OVCH1: variants seen among roughly 807,000 people sequenced by gnomAD.
OVCH1 encodes the protein ovochymase-1.
Under a neutral mutation model 138.4 loss-of-function variants are expected in OVCH1, and 139 were observed. The observed-to-expected ratio is 1.00, with a 90% CI of 0.87 to 1.16. OVCH1 has a LOEUF of 1.16. OVCH1 is among the 50% of genes most tolerant of loss of function. The pLI, the probability that OVCH1 is intolerant of heterozygous loss-of-function variation, is 0.00. For synonymous variants in OVCH1, 453 were observed against 467.8 expected (o/e 0.97, Z 0.41); for missense variants, 1,367 against 1,357.9 (o/e 1.01, Z -0.11).
At chr12:29,468,806 C>A (rs1942404268) in intron 16 of OVCH1, among the ~76,000 whole-genome samples, 1 of 152,068 alleles carries the variant, frequency 6.6e-6, no homozygotes, top group Admixed American at 6.6e-5. Context: ...GGTGAGTATA[C>A]ATACCTATAT....
intron 7 of OVCH1, chr12:29,487,048 G>A: frequency 2.6e-6 from 1 of 391,076 alleles, no homozygotes; most frequent in Non-Finnish European, 5.2e-6. Flanking sequence ...AGCCCTGTCA[G>A]GTGGCTGCCC....
intron 26 of OVCH1, among the ~76,000 whole-genome samples, chr12:29,435,579 C>T (rs1321536865): frequency 6.6e-6 from 1 of 152,070 alleles, no homozygotes; most frequent in African/African-American, 2.4e-5. Flanking sequence ...TGGTCTTGAT[C>T]TCCTGACCCC....
At chr12:29,425,034 TA>T (rs970760253), downstream of OVCH1, among the ~76,000 whole-genome samples, 2 of 152,136 alleles carry the variant, frequency 1.3e-5, no homozygotes, top group African/African-American at 2.4e-5. Flanking sequence ...AGATGGTGGC[TA>T]GGGGGAATGG....
intron 8 of OVCH1, among the ~76,000 whole-genome samples, chr12:29,485,857 C>T (rs1592109169): frequency 1.3e-5 from 2 of 150,792 alleles, no homozygotes. Flanking sequence ...GCAGGAGAAT[C>T]GCTTGAACCC....
Position 29,486,249 on chromosome 12 carries a change from C to A in OVCH1, c.992G>T (p.Gly331Val), listed in dbSNP as rs1194225268. ...CCTTCTCTAATTAGAACCACACATA[C>A]CCTTTCCTCTCTGGCTTCCATTCAC... Residue 331 changes from glycine to valine, a missense_variant, in exon 8 of 28, where the codon GGT becomes GTT. Coordinates refer to ENST00000318184, the Ensembl canonical transcript of OVCH1. 6.2e-7 allele frequency: 1 copy of A among 1,609,606 alleles called. No homozygotes were observed. The highest frequency in any genetic ancestry group is 1.7e-5 in the Admixed American group (1 of 60,004).
chr12:29,426,862 C>T (rs367847848), downstream of OVCH1, among the ~76,000 whole-genome samples: 6 of 152,210 alleles, frequency 3.9e-5, no homozygotes, highest in East Asian at 5.8e-4. Context: ...GGTAGTCACT[C>T]GCTACATGTA....
chr12:29,437,392 A>G (rs1699469388), intron 26 of OVCH1, among the ~76,000 whole-genome samples: 1 of 152,210 alleles, frequency 6.6e-6, no homozygotes, highest in African/African-American at 2.4e-5. Flanking sequence ...TGAATCCCCT[A>G]ATTCTAAAGA....
At chr12:29,496,936 C>T (rs1943434476) in intron 1 of OVCH1, among the ~76,000 whole-genome samples, 1 of 152,148 alleles carries the variant, frequency 6.6e-6, no homozygotes, top group African/African-American at 2.4e-5. Context: ...TGGTAGGTGA[C>T]TTGGGGCTTA....
intron 4 of OVCH1, among the ~76,000 whole-genome samples, chr12:29,493,969 T>A (rs1019471334): frequency 6.6e-6 from 1 of 152,212 alleles, no homozygotes; most frequent in Non-Finnish European, 1.5e-5. Flanking sequence ...AGAGGCTGAT[T>A]ACTCACCTGG....
chr12:29,484,227 C>G (rs957345383), intron 8 of OVCH1, among the ~76,000 whole-genome samples: 1 of 152,174 alleles, frequency 6.6e-6, no homozygotes, highest in African/African-American at 2.4e-5. Context: ...GCTTATAGGA[C>G]ATGAACTATT....
chr12:29,446,678 A>T (rs1172308680), intron 22 of OVCH1, among the ~76,000 whole-genome samples: 1 of 152,110 alleles, frequency 6.6e-6, no homozygotes, highest in African/African-American at 2.4e-5. Context: ...TCCCCAGAAA[A>T]TGTGTCTCTC....
chr12:29,496,969 G>A (rs1287463093), intron 1 of OVCH1, among the ~76,000 whole-genome samples: 2 of 152,122 alleles, frequency 1.3e-5, no homozygotes, highest in Non-Finnish European at 2.9e-5. Context: ...GCAAATTTAG[G>A]TTGTGTTAAA....
chr12:29,460,519 C>G (rs1365769338), intron 19 of OVCH1, among the ~76,000 whole-genome samples: 1 of 152,090 alleles, frequency 6.6e-6, no homozygotes, highest in Non-Finnish European at 1.5e-5. Context: ...TCCACTACAC[C>G]CAGGAGGCAA....
At chr12:29,446,020 C>G (rs925308282) in intron 22 of OVCH1, among the ~76,000 whole-genome samples, 6 of 152,084 alleles carry the variant, frequency 3.9e-5, no homozygotes, top group Non-Finnish European at 8.8e-5. Flanking sequence ...GCTGATTGTA[C>G]TACATACAAC....
chr12:29,439,401 G>T, exon 26 of OVCH1: 1 of 1,548,138 alleles, frequency 6.5e-7, no homozygotes, highest in Non-Finnish European at 8.7e-7. Context: ...TATGTCTTTT[G>T]TCAGTATCAT....
intron 5 of OVCH1, among the ~76,000 whole-genome samples, chr12:29,490,176 A>G (rs891051460): frequency 1.3e-5 from 2 of 152,048 alleles, no homozygotes; most frequent in Non-Finnish European, 2.9e-5. Context: ...TGATTCTCCC[A>G]CCTCAGTTTC....
At chr12:29,460,370 A>T (rs1942089315) in intron 19 of OVCH1, among the ~76,000 whole-genome samples, 2 of 152,220 alleles carry the variant, frequency 1.3e-5, no homozygotes, top group Admixed American at 6.6e-5. Flanking sequence ...GGGAAGAATG[A>T]ACACATTAAT....
intron 22 of OVCH1, among the ~76,000 whole-genome samples, chr12:29,448,060 G>A (rs1352286793): frequency 1.3e-5 from 2 of 150,668 alleles, no homozygotes; most frequent in Non-Finnish European, 3.0e-5. Flanking sequence ...ACCTGGCTTC[G>A]TGGGAGACAA....
At chr12:29,483,404 A>C (rs532484302) in intron 8 of OVCH1, among the ~76,000 whole-genome samples, 2 of 152,232 alleles carry the variant, frequency 1.3e-5, no homozygotes, top group Non-Finnish European at 2.9e-5. Flanking sequence ...AGCGTTTTAA[A>C]TTATGAGCTG....
Sources: gnomAD v4.1 joint callset for allele counts (sites outside exome capture counted in the v4.1 genomes callset) on GRCh38, gnomAD v4.1.1 for gene constraint, MANE v1.5 for transcripts, NCBI Gene and HGNC (gene_info 2026-07-23, HGNC 2026-07-21) for gene names.